The following SNX29 variants were observed in gnomAD, a reference collection of about 807,000 sequenced individuals.
SNX29 encodes sorting nexin-29.
In SNX29, 78 loss-of-function variants were observed where a neutral mutation model predicts 102.1. That is an observed-to-expected ratio of 0.76 (90% CI 0.64 to 0.92). The LOEUF (loss-of-function observed/expected upper bound fraction) is 0.92. Ranked by LOEUF, SNX29 falls within the 40% of genes least tolerant of loss-of-function variation. The pLI is 0.00. For synonymous variants in SNX29, 580 were observed against 414.5 expected, an observed-to-expected ratio of 1.40 and a Z score of -4.85; for missense variants, 1,280 against 1,061.7, an observed-to-expected ratio of 1.21 and a Z score of -2.86.
At position 12,568,773 on chromosome 16, in the gene SNX29, A is replaced by AC. The variant is rs1429592063; in HGVS notation, c.*148dup. ...ACACGATTCCCAACAGTTACACAAC[A>AC]CCCCGATTAAACTAATCAGTCTTCG... On this transcript the variant is annotated 3_prime_UTR_variant, in exon 21 of 21. Transcript: ENST00000566228. 2 of 1,275,216 alleles carry AC rather than the reference A, an allele frequency of 1.6e-6. No individual in the cohort carries two copies. The highest frequency in any genetic ancestry group is 3.0e-5 in the African/African-American group (2 of 66,674). 79.0% of individuals were successfully genotyped at this position (1,275,216 alleles called of 1,614,324 possible). A position where few individuals can be genotyped will look rare whatever the true frequency, so the allele number is the denominator to read the frequency against.
intron 15 of SNX29, among the ~76,000 whole-genome samples, chr16:12,294,085 C>T (rs554133728): frequency 5.9e-5 from 9 of 152,240 alleles, no homozygotes; most frequent in South Asian, 2.1e-4. Context: ...CAGGAGATGA[C>T]GGTCAGTCCC....
At chr16:12,102,415 C>A (rs1038106636) in intron 11 of SNX29, among the ~76,000 whole-genome samples, 1 of 152,220 alleles carries the variant, frequency 6.6e-6, no homozygotes, top group African/African-American at 2.4e-5. Flanking sequence ...ACTCCACATC[C>A]TCTCCAGTGT....
intron 15 of SNX29, among the ~76,000 whole-genome samples, chr16:12,325,579 C>T (rs1045264530): frequency 1.3e-5 from 2 of 152,130 alleles, no homozygotes; most frequent in Non-Finnish European, 2.9e-5. Context: ...GGTAGTGAAG[C>T]AGATAAAATG....
rs2079191138 is a variant in SNX29 at position 12,571,691 on chromosome 16, A to G, written c.*3062A>G. 8.5e-6 allele frequency: 9 copies of G among 1,060,270 alleles called. No individual in the cohort carries two copies. The highest frequency in any genetic ancestry group is 8.0e-6 in the Non-Finnish European group (7 of 876,166). 65.7% of individuals were successfully genotyped at this position (1,060,270 alleles called of 1,614,324 possible). On this transcript the variant is annotated 3_prime_UTR_variant, in exon 21 of 21. Transcript: ENST00000566228. ...CTGGGCAGAGGTGTCTCTCCTTGAG[A>G]GACAACAAAAGCTTCTAAGGGAGGG...
At chr16:12,061,989 C>T (rs1055527157) in intron 9 of SNX29, among the ~76,000 whole-genome samples, 2 of 152,186 alleles carry the variant, frequency 1.3e-5, no homozygotes. Flanking sequence ...GATTTTGCCT[C>T]TTTGGAGATG....
At position 12,408,242 on chromosome 16, in the gene SNX29, G is replaced by A. The variant is rs76409689; in HGVS notation, c.2037+4713G>A. ...TCCAAAAGGCAAGGCCCAGCTCAAC[G>A]AAGATCTCACCTGCATGGGCAGCCA... On this transcript the variant is annotated intron_variant, in intron 18 of 20. Coordinates refer to ENST00000566228, the MANE Select transcript of SNX29 (RefSeq NM_032167.5). Among the ~76,000 whole-genome samples the A allele has an allele frequency of 1.4e-4, 22 of 152,188 alleles. No individual in the cohort carries two copies. The East Asian group carries it at 4.1e-3, about 28-fold the overall frequency.
Position 12,366,048 on chromosome 16 carries a change from A to C in SNX29, c.1899+9769A>C, listed in dbSNP as rs1468387566. On this transcript the variant is annotated intron_variant, in intron 16 of 20. Coordinates refer to ENST00000566228, the MANE Select transcript of SNX29 (RefSeq NM_032167.5). Reference sequence around the variant, plus strand: ...CAGAGTGAGACTCTTGTCTCAAAAAAAAAAAAAAAAAAAAAAAAAAAATCA... The same window carrying C: ...CAGAGTGAGACTCTTGTCTCAAAAACAAAAAAAAAAAAAAAAAAAAAATCA... 4.5e-3 allele frequency among the ~76,000 whole-genome samples: 495 copies of C among 111,170 alleles called. 2 individuals carry two copies. Among genetic ancestry groups the C allele is most frequent in the African/African-American group, 0.022 (481 of 22,356 alleles). The allele number at this position is 111,170 out of a possible 152,430, so 72.9% of individuals were successfully genotyped here.
Position 12,570,636 on chromosome 16 carries a change from C to T in SNX29, c.*2007C>T, listed in dbSNP as rs903593838. The stretch of plus-strand genomic sequence containing the variant: ...TGTTCTCTGTTGGATAAAGGAACCT[C>T]CCCCATCTGTGACATTCCCTTGGGC... On this transcript the variant is annotated 3_prime_UTR_variant, in exon 21 of 21. Transcript: ENST00000566228. 4.3e-6 allele frequency: 1 copy of T among 232,306 alleles called. No individual in the cohort carries two copies. Among genetic ancestry groups the T allele is most frequent in the South Asian group, 1.8e-4 (1 of 5,518 alleles). The allele number at this position is 232,306 out of a possible 1,614,324, so 14.4% of individuals were successfully genotyped here. A position where few individuals can be genotyped will look rare whatever the true frequency, so the allele number is the denominator to read the frequency against.
At chr16:12,543,774 A>G (rs565496460) in intron 20 of SNX29, among the ~76,000 whole-genome samples, 1 of 152,224 alleles carries the variant, frequency 6.6e-6, no homozygotes, top group Non-Finnish European at 1.5e-5. Flanking sequence ...TTTATTTTCC[A>G]AGATGTATCT....
intron 1 of SNX29, among the ~76,000 whole-genome samples, chr16:11,992,900 G>A (rs890052014): frequency 1.6e-4 from 24 of 152,152 alleles, no homozygotes; most frequent in Non-Finnish European, 1.8e-4. Flanking sequence ...GGGGGCTCAC[G>A]CCTGCAATCC....
intron 4 of SNX29, among the ~76,000 whole-genome samples, chr16:12,031,511 TA>T (rs959182837): frequency 0.011 from 1,590 of 147,534 alleles, 23 homozygotes; most frequent in African/African-American, 0.037. Flanking sequence ...TATTCTCTCT[TA>T]AAAAAAAAAT....
At chr16:12,305,259 C>G (rs989187895) in intron 15 of SNX29, among the ~76,000 whole-genome samples, 2 of 152,244 alleles carry the variant, frequency 1.3e-5, no homozygotes, top group African/African-American at 4.8e-5. Context: ...GGCCACCTGA[C>G]AAGTCTTGGC....
intron 13 of SNX29, among the ~76,000 whole-genome samples, chr16:12,175,664 A>G (rs1343104832): frequency 1.3e-5 from 2 of 151,704 alleles, no homozygotes; most frequent in Non-Finnish European, 2.9e-5. Flanking sequence ...AAAAAAAAAA[A>G]AAGTACGGGG....
In SNX29 at chr16:12,571,785, C is replaced by G. The variant is rs1454366492; in HGVS notation, c.*3156C>G. 2.3e-5 allele frequency: 23 copies of G among 1,011,234 alleles called. No homozygotes were observed. The highest frequency in any genetic ancestry group is 2.8e-5 in the Non-Finnish European group (23 of 831,178). The allele number at this position is 1,011,234 out of a possible 1,614,324, so 62.6% of individuals were successfully genotyped here. On this transcript the variant is annotated 3_prime_UTR_variant, in exon 21 of 21. Coordinates refer to ENST00000566228, the MANE Select transcript of SNX29 (RefSeq NM_032167.5). ...ATCTGAGACAGAACCTTCTCCGCCA[C>G]TCTTCCTGCAATCAGTGTGAAATTC...
At chr16:12,136,299 C>T (rs2054658530) in intron 13 of SNX29, among the ~76,000 whole-genome samples, 2 of 152,218 alleles carry the variant, frequency 1.3e-5, no homozygotes, top group Non-Finnish European at 2.9e-5. Flanking sequence ...CCTGTTGATG[C>T]GTCACGGTCA....
At chr16:12,391,623 A>G (rs1211133449) in intron 16 of SNX29, among the ~76,000 whole-genome samples, 1 of 149,888 alleles carries the variant, frequency 6.7e-6, no homozygotes, top group East Asian at 1.9e-4. Flanking sequence ...CTATGCGTGC[A>G]TCCATCCATC....
chr16:12,245,571 G>T lies in SNX29; in HGVS notation c.1679-32362G>T, dbSNP rs186171446. On this transcript the variant is annotated intron_variant, in intron 14 of 20. Transcript: ENST00000566228. Reference sequence around the variant, plus strand: ...TGTTAAACATCTTTAAAATTAGAGTGATTGTAGTTTATTTATTTATTTTTT... The same window carrying T: ...TGTTAAACATCTTTAAAATTAGAGTTATTGTAGTTTATTTATTTATTTTTT... 2.0e-5 allele frequency among the ~76,000 whole-genome samples: 3 copies of T among 151,994 alleles called. No individual in the cohort carries two copies. The East Asian group carries it at 5.8e-4, about 29-fold the overall frequency.
intron 13 of SNX29, among the ~76,000 whole-genome samples, chr16:12,154,886 C>T (rs940311985): frequency 2.0e-5 from 3 of 152,194 alleles, no homozygotes; most frequent in Non-Finnish European, 4.4e-5. Context: ...CCCTCATAAC[C>T]ATAGGCTCTT....
intron 13 of SNX29, among the ~76,000 whole-genome samples, chr16:12,198,743 C>T (rs367987947): frequency 1.3e-5 from 2 of 152,192 alleles, no homozygotes; most frequent in African/African-American, 4.8e-5. Flanking sequence ...GGTCAAACAC[C>T]GTATTTGTCC....
Sources: allele counts gnomAD v4.1 joint callset (sites outside exome capture counted in the v4.1 genomes callset), GRCh38; gene constraint gnomAD v4.1.1; transcripts MANE v1.5; gene names NCBI Gene and HGNC (gene_info 2026-07-23, HGNC 2026-07-21).